The following TAF2 variants were observed in gnomAD, a reference collection of about 807,000 sequenced individuals.
TAF2 encodes the protein TATA-box binding protein associated factor 2.
In TAF2, 61 loss-of-function variants were observed where a neutral mutation model predicts 138.5. That is an observed-to-expected ratio of 0.44 (90% CI 0.36 to 0.54). The LOEUF (loss-of-function observed/expected upper bound fraction) is 0.54. TAF2 is among the 20% of genes least tolerant of loss of function. The pLI is 0.00. For missense variants in TAF2, 1,090 were observed against 1,427.9 expected (o/e 0.76, Z 3.81); for synonymous variants, 475 against 469.9 (o/e 1.01, Z -0.14).
chr8:119,747,806 A>G (rs1820082174), intron 22 of TAF2, among the ~76,000 whole-genome samples: 1 of 152,118 alleles, frequency 6.6e-6, no homozygotes, highest in South Asian at 2.1e-4. Flanking sequence ...GAACAGAAGA[A>G]AAGTGGATAT....
intron 2 of TAF2, 45 bp downstream of exon 2, chr8:119,831,632 T>C: frequency 2.1e-6 from 3 of 1,421,096 alleles, no homozygotes; most frequent in African/African-American, 2.8e-5. Flanking sequence ...TGTTACTCTT[T>C]ATAGTGGACT....
chr8:119,821,909 G>C (rs1452408089), intron 2 of TAF2, among the ~76,000 whole-genome samples: 1 of 152,118 alleles, frequency 6.6e-6, no homozygotes, highest in Non-Finnish European at 1.5e-5. Context: ...CATGGTGGCT[G>C]TAGTTCCAGT....
intron 18 of TAF2, among the ~76,000 whole-genome samples, chr8:119,770,602 A>G (rs1477711409): frequency 2.6e-5 from 4 of 152,192 alleles, no homozygotes; most frequent in African/African-American, 9.6e-5. Context: ...GGAGTTCTAA[A>G]TATAGAAATG....
rs554298186 is a variant in TAF2, at chr8:119,743,760, A to G, written c.3214+528T>C. ...TAAAGTGCAGAATTACCTACAATAC[A>G]TAAAAATGAAAAACAACCTAATGCC... On this transcript the variant is annotated intron_variant, in intron 24 of 25. Transcript: ENST00000378164. Among the ~76,000 whole-genome samples the G allele has an allele frequency of 9.2e-5, 14 of 152,306 alleles. No homozygotes were observed. The East Asian group carries it at 1.9e-3, about 21-fold the overall frequency.
chr8:119,784,387 T>G (rs2131145467), intron 15 of TAF2, among the ~76,000 whole-genome samples: 1 of 152,212 alleles, frequency 6.6e-6, no homozygotes, highest in Non-Finnish European at 1.5e-5. Flanking sequence ...AAACCCCATC[T>G]CTACTAACAA....
At chr8:119,801,514 T>C (rs1243051626) in intron 6 of TAF2, among the ~76,000 whole-genome samples, 5 of 151,566 alleles carry the variant, frequency 3.3e-5, no homozygotes, top group Admixed American at 3.3e-4. Flanking sequence ...CTGCAAGCTC[T>C]GCCTCCTGGG....
At chr8:119,781,434 T>C (rs1051545584) in intron 16 of TAF2, among the ~76,000 whole-genome samples, 1 of 152,116 alleles carries the variant, frequency 6.6e-6, no homozygotes, top group East Asian at 1.9e-4. Flanking sequence ...TCCCAGCACT[T>C]TGGGAAGCCG....
At chr8:119,737,487 T>TA (rs1468209831) in intron 25 of TAF2, among the ~76,000 whole-genome samples, 1 of 150,862 alleles carries the variant, frequency 6.6e-6, no homozygotes, top group Non-Finnish European at 1.5e-5. Flanking sequence ...TTCTCTATAA[T>TA]AAAGCTTTCA....
In TAF2 at chr8:119,788,363, T is replaced by C; in HGVS notation, c.1768A>G (p.Ile590Val). The part of the protein sequence containing the change: ...QIEENSLKHD[I>V]PCHSKSRRNK... ...CTTCTACTTTTGGAATGGCAGGGTA[T>C]ATCATGTTTAAGGCTGTTTTCTTCA... The change falls in exon 14 of 26, where the codon ATA becomes GTA. Residue 590 changes from isoleucine to valine, a missense_variant. This residue lies in a region of TAF2 where 6 missense variants were observed against 27.3 expected (regional missense o/e 0.22). Coordinates refer to ENST00000378164, the MANE Select transcript of TAF2 (RefSeq NM_003184.4). 6.2e-7 allele frequency: 1 copy of C among 1,613,626 alleles called. No individual in the cohort carries two copies. The highest frequency in any genetic ancestry group is 8.5e-7 in the Non-Finnish European group (1 of 1,179,748).
At position 119,731,954 on chromosome 8, in the gene TAF2, C is replaced by T. The variant is rs35830489; in HGVS notation, c.3570G>A (p.Arg1190=). The T allele has an allele frequency of 2.0e-3, 3,197 of 1,614,186 alleles. 55 individuals are homozygous for T. The African/African-American group carries it at 0.037, about 19-fold the overall frequency. Residue 1190 remains arginine, a synonymous_variant, in exon 26 of 26, where the codon AGG becomes AGA. Transcript: ENST00000378164. ...CTGAAAGGGAAGGAGAACGAATAGA[C>T]CTGCCACTGGCAGGGCTGGAGAAAG... ...PFTFSSPASG[R]SIRSPSLSD is the part of the protein sequence containing the mutation.
chr8:119,738,491 T>C (rs1819382034), intron 25 of TAF2, among the ~76,000 whole-genome samples: 1 of 152,322 alleles, frequency 6.6e-6, no homozygotes, highest in Non-Finnish European at 1.5e-5. Flanking sequence ...GAAATACATG[T>C]CACTCTTCTA....
intron 18 of TAF2, among the ~76,000 whole-genome samples, chr8:119,763,415 T>C (rs1245746782): frequency 1.3e-5 from 2 of 152,174 alleles, no homozygotes; most frequent in African/African-American, 2.4e-5. Context: ...CTCAATCTTC[T>C]CACATGAAAA....
At chr8:119,776,545 C>T (rs28502370) in intron 18 of TAF2, among the ~76,000 whole-genome samples, 4,945 of 151,340 alleles carry the variant, frequency 0.033, 160 homozygotes, top group South Asian at 0.11. Context: ...AAAAATTAGC[C>T]GGGCGTAGTG....
At chr8:119,777,912 T>A (rs908724264) in intron 18 of TAF2, 107 bp downstream of exon 18, 7 of 648,430 alleles carry the variant, frequency 1.1e-5, no homozygotes, top group Non-Finnish European at 1.9e-5. Flanking sequence ...TTTTATAGAC[T>A]AAATATTTAT....
rs1219016213 is a variant in TAF2 at position 119,770,204 on chromosome 8, AT to A, written c.2365-7597del. On this transcript the variant is annotated intron_variant, in intron 18 of 25. Coordinates refer to ENST00000378164, the MANE Select transcript of TAF2 (RefSeq NM_003184.4). ...ATATTTGAGGAAATAATTCAGGAAAATTTCCCCAATCTCATTACAGTGATAG... is the reference window on the plus strand; with the variant it reads ...ATATTTGAGGAAATAATTCAGGAAAATTCCCCAATCTCATTACAGTGATAG... Among the ~76,000 whole-genome samples, 10 of 152,192 alleles carry A rather than the reference AT, an allele frequency of 6.6e-5. No individual in the cohort carries two copies. In the South Asian group the frequency reaches 2.1e-3, roughly 32 times the overall value.
chr8:119,825,813 T>C (rs2099322207), intron 2 of TAF2, among the ~76,000 whole-genome samples: 1 of 151,604 alleles, frequency 6.6e-6, no homozygotes, highest in South Asian at 2.1e-4. Flanking sequence ...GCCTCCTGAG[T>C]AGCTGGGACT....
chr8:119,779,249 G>GACAGAC (rs1554647670), intron 17 of TAF2, among the ~76,000 whole-genome samples: 1 of 147,280 alleles, frequency 6.8e-6, no homozygotes, highest in Non-Finnish European at 1.5e-5. Flanking sequence ...CACAACCTAA[G>GACAGAC]ACACACACAC....
chr8:119,734,538 AC>A (rs1028839979), intron 25 of TAF2, among the ~76,000 whole-genome samples: 17 of 151,928 alleles, frequency 1.1e-4, no homozygotes, highest in Middle Eastern at 3.4e-3. Flanking sequence ...TCTATATACT[AC>A]TCTAGGCTAA....
intron 15 of TAF2, among the ~76,000 whole-genome samples, chr8:119,784,603 T>TA (rs1313150585): frequency 2.0e-5 from 3 of 152,186 alleles, no homozygotes; most frequent in Admixed American, 6.5e-5. Context: ...AGAGGTTTTA[T>TA]AAAAAATATA....
Sources: gnomAD v4.1 joint callset for allele counts (sites outside exome capture counted in the v4.1 genomes callset) on GRCh38, gnomAD v4.1.1 for gene constraint, gnomAD v4.1.1 regional missense constraint, MANE v1.5 for transcripts, NCBI Gene and HGNC (gene_info 2026-07-23, HGNC 2026-07-21) for gene names.